Variants in SLC37A3 observed in about 807,000 individuals in gnomAD.
The protein encoded by SLC37A3 is sugar phosphate exchanger 3.
In SLC37A3, 51 loss-of-function variants were observed where a neutral mutation model predicts 67.1. That is an observed-to-expected ratio of 0.76 (90% CI 0.61 to 0.96). The LOEUF is 0.96. SLC37A3 is among the 40% of genes least tolerant of loss of function. SLC37A3 has a pLI of 0.00. For synonymous variants in SLC37A3, 214 were observed against 231.4 expected (o/e 0.92, Z 0.68); for missense variants, 508 against 603.0 (o/e 0.84, Z 1.65).
At chr7:140,395,574 G>C (rs549932704) in intron 1 of SLC37A3, among the ~76,000 whole-genome samples, 5 of 151,520 alleles carry the variant, frequency 3.3e-5, no homozygotes, top group South Asian at 2.1e-4. Context: ...CAGGTGTGGT[G>C]GTGGGTGCCT....
rs1796047715 is a variant in SLC37A3, at chr7:140,334,214, A to C, written c.*1198T>G. Reference sequence around the variant, plus strand: ...CAACATAATGTACAATATTCAATAAATTACATGATATATTCAACACTCGAT... The same window carrying C: ...CAACATAATGTACAATATTCAATAACTTACATGATATATTCAACACTCGAT... On this transcript the variant is annotated 3_prime_UTR_variant, in exon 15 of 15. Coordinates refer to ENST00000326232, the MANE Select transcript of SLC37A3 (RefSeq NM_207113.3). 1 of 152,218 alleles carries C rather than the reference A, an allele frequency of 6.6e-6. No individual in the cohort carries two copies. Among genetic ancestry groups the C allele is most frequent in the Non-Finnish European group, 1.5e-5 (1 of 68,030 alleles). 9.4% of individuals were successfully genotyped at this position (152,218 alleles called of 1,614,324 possible).
intron 1 of SLC37A3, among the ~76,000 whole-genome samples, 177 bp downstream of exon 1, chr7:140,398,239 A>G (rs114444337): frequency 0.01 from 1,575 of 151,726 alleles, 23 homozygotes; most frequent in African/African-American, 0.035. Context: ...CCGGGACCCC[A>G]GGCCCGGGCC....
chr7:140,391,973 A>C (rs1247468654), intron 1 of SLC37A3, among the ~76,000 whole-genome samples: 1 of 152,102 alleles, frequency 6.6e-6, no homozygotes, highest in Non-Finnish European at 1.5e-5. Flanking sequence ...TTCTCTAATA[A>C]ATCTGCCTTT....
rs1354812384 is a variant in SLC37A3 at position 140,358,755 on chromosome 7, G to A, written c.406C>T (p.Leu136=). ...VFVFGALTEW[L]RFYNKWLYCC... ...TACAGCCATTTGTTGTAGAAACGCAGCCATTCTGTGAGCGCACCAAAGACA... is the reference window on the plus strand; with the variant it reads ...TACAGCCATTTGTTGTAGAAACGCAACCATTCTGTGAGCGCACCAAAGACA... The change falls in exon 6 of 15, where the codon CTG becomes TTG. Residue 136 remains leucine, a synonymous_variant. Transcript: ENST00000326232. The A allele has an allele frequency of 2.5e-6, 4 of 1,614,128 alleles. No homozygotes were observed. In the Admixed American group the frequency reaches 5.0e-5, roughly 20 times the overall value.
At chr7:140,370,181 A>G (rs970678568) in intron 3 of SLC37A3, among the ~76,000 whole-genome samples, 8 of 151,122 alleles carry the variant, frequency 5.3e-5, no homozygotes, top group Non-Finnish European at 8.9e-5. Flanking sequence ...TTTTTAATTG[A>G]CACATAGTAA....
intron 13 of SLC37A3, among the ~76,000 whole-genome samples, chr7:140,338,399 T>TCA (rs1426986999): frequency 6.6e-6 from 1 of 152,210 alleles, no homozygotes; most frequent in Non-Finnish European, 1.5e-5. Context: ...GTAAATGGAA[T>TCA]CACAGTATTT....
At chr7:140,345,667 G>A (rs975019925) in intron 11 of SLC37A3, among the ~76,000 whole-genome samples, 4 of 152,102 alleles carry the variant, frequency 2.6e-5, no homozygotes, top group South Asian at 2.1e-4. Context: ...AAGCAAAAGA[G>A]ATGCCAGTTT....
At chr7:140,388,998 A>C (rs1377174701) in intron 1 of SLC37A3, among the ~76,000 whole-genome samples, 1 of 152,176 alleles carries the variant, frequency 6.6e-6, no homozygotes, top group East Asian at 1.9e-4. Flanking sequence ...GGAAATTATG[A>C]CAGTGAAAGA....
intron 3 of SLC37A3, among the ~76,000 whole-genome samples, chr7:140,372,518 A>C (rs1237784624): frequency 6.6e-6 from 1 of 152,230 alleles, no homozygotes; most frequent in Non-Finnish European, 1.5e-5. Flanking sequence ...AGTGATCACC[A>C]TATTGCTCAC....
At chr7:140,340,686 T>C (rs1351309886) in intron 13 of SLC37A3, among the ~76,000 whole-genome samples, 2 of 151,556 alleles carry the variant, frequency 1.3e-5, no homozygotes, top group African/African-American at 4.9e-5. Context: ...CCTAGCACTT[T>C]GGGAGGCTGA....
intron 1 of SLC37A3, among the ~76,000 whole-genome samples, chr7:140,388,354 G>T (rs1204423019): frequency 2.0e-5 from 3 of 148,962 alleles, no homozygotes; most frequent in Admixed American, 6.7e-5. Context: ...AATCACTTGA[G>T]CCTGGGAGGT....
At chr7:140,343,298 G>A (rs1206998521) in intron 13 of SLC37A3, 114 bp downstream of exon 13, 4 of 1,455,344 alleles carry the variant, frequency 2.7e-6, no homozygotes, top group Non-Finnish European at 3.8e-6. Flanking sequence ...TGGGCTCTGG[G>A]AACAGCGTTC....
intron 3 of SLC37A3, among the ~76,000 whole-genome samples, chr7:140,372,605 G>A (rs1797864275): frequency 1.3e-5 from 2 of 152,132 alleles, no homozygotes; most frequent in African/African-American, 2.4e-5. Context: ...GCTCACACCT[G>A]TAATCCCAGC....
At chr7:140,358,048 C>T (rs1797106522) in intron 6 of SLC37A3, among the ~76,000 whole-genome samples, 1 of 152,032 alleles carries the variant, frequency 6.6e-6, no homozygotes, top group Admixed American at 6.6e-5. Flanking sequence ...TGCACTCCAG[C>T]CTGGTGACAG....
intron 13 of SLC37A3, among the ~76,000 whole-genome samples, chr7:140,338,353 CT>C: frequency 6.6e-6 from 1 of 152,308 alleles, no homozygotes; most frequent in East Asian, 1.9e-4. Context: ...CCTCTTCTTT[CT>C]GGTTCCATGA....
chr7:140,345,200 G>A lies in SLC37A3; in HGVS notation c.1174+16C>T. ...AGAGCAACAGAAGCATGGTGGAGCA[G>A]AGCCATGTGCCGTACCTGTAACAGT... is the stretch of plus-strand genomic sequence containing the variant. On this transcript the variant is annotated intron_variant, in intron 12 of 14. Transcript: ENST00000326232. 6.2e-7 allele frequency: 1 copy of A among 1,609,676 alleles called. No homozygotes were observed. The highest frequency in any genetic ancestry group is 8.5e-7 in the Non-Finnish European group (1 of 1,176,426).
intron 13 of SLC37A3, 98 bp downstream of exon 13, chr7:140,343,314 C>T: frequency 6.5e-7 from 1 of 1,549,460 alleles, no homozygotes; most frequent in South Asian, 1.1e-5. Flanking sequence ...CGTTCTACAG[C>T]ACAAGAGTGC....
intron 5 of SLC37A3, among the ~76,000 whole-genome samples, chr7:140,360,410 TGACTA>T (rs1797218246): frequency 6.6e-6 from 1 of 152,124 alleles, no homozygotes; most frequent in South Asian, 2.1e-4. Context: ...CAAAAATTCC[TGACTA>T]GAAGCTAGTA....
rs560197755 is a variant in SLC37A3 at position 140,373,204 on chromosome 7, C to A, written c.199-3522G>T. ...GACCTCGTGATCTGCCCCACCCCCT[C>A]CTCGGCCTCCCAAAGTGCTGGGATT... is the stretch of plus-strand genomic sequence containing the variant. On this transcript the variant is annotated intron_variant, in intron 3 of 14. Coordinates refer to ENST00000326232, the MANE Select transcript of SLC37A3 (RefSeq NM_207113.3). Among the ~76,000 whole-genome samples the A allele has an allele frequency of 1.4e-3, 206 of 152,110 alleles. 10 individuals are homozygous for A. The South Asian group carries it at 0.035, about 26-fold the overall frequency.
Sources: gnomAD v4.1 joint callset for allele counts (sites outside exome capture counted in the v4.1 genomes callset) on GRCh38, gnomAD v4.1.1 for gene constraint, MANE v1.5 for transcripts, NCBI Gene and HGNC (gene_info 2026-07-23, HGNC 2026-07-21) for gene names.